The following ELOVL4 variants were observed in gnomAD, a reference collection of about 807,000 sequenced individuals.
ELOVL4 encodes ELOVL fatty acid elongase 4, also known as very long chain fatty acid elongase 4.
ELOVL4 carries 18 observed loss-of-function variants against 42.1 expected under a neutral mutation model. The ratio of observed to expected loss-of-function variants is 0.43; its 90% CI spans 0.30 to 0.63. The LOEUF (loss-of-function observed/expected upper bound fraction) is 0.63. ELOVL4 is among the 30% of genes least tolerant of loss of function. The probability of loss-of-function intolerance (pLI) is 0.15; values close to 1 mark genes in which losing one functional copy is unlikely to be tolerated. For synonymous variants in ELOVL4, 117 were observed against 127.0 expected, an observed-to-expected ratio of 0.92 and a Z score of 0.53; for missense variants, 299 against 376.2, an observed-to-expected ratio of 0.79 and a Z score of 1.70.
intron 1 of ELOVL4, among the ~76,000 whole-genome samples, chr6:79,930,347 T>C (rs923101683): frequency 6.6e-6 from 1 of 152,142 alleles, no homozygotes; most frequent in African/African-American, 2.4e-5. Flanking sequence ...CTTTCAAAAA[T>C]TCAGCCTCCC....
Position 79,947,080 on chromosome 6 carries a change from G to A in ELOVL4, c.100+100C>T. On this transcript the variant is annotated intron_variant, in intron 1 of 5. Coordinates refer to ENST00000369816, the MANE Select transcript of ELOVL4 (RefSeq NM_022726.4). The stretch of plus-strand genomic sequence containing the variant: ...GATCCGCAGCATCCGAAAGCCGCAG[G>A]GCGCGGGGGCCTGTGGGGCCGGGCC... The A allele has an allele frequency of 4.1e-6, 4 of 983,574 alleles. No homozygotes were observed. In the South Asian group the frequency reaches 5.5e-5, roughly 13 times the overall value. The allele number at this position is 983,574 out of a possible 1,614,324, so 60.9% of individuals were successfully genotyped here. A position where few individuals can be genotyped will look rare whatever the true frequency, so the allele number is the denominator to read the frequency against.
intron 1 of ELOVL4, among the ~76,000 whole-genome samples, chr6:79,936,607 T>C (rs904596592): frequency 1.3e-5 from 2 of 152,220 alleles, no homozygotes; most frequent in Non-Finnish European, 2.9e-5. Flanking sequence ...AAATTTTCAA[T>C]GAAAACTGTA....
intron 1 of ELOVL4, among the ~76,000 whole-genome samples, chr6:79,940,886 C>A (rs1774634217): frequency 6.6e-6 from 1 of 152,152 alleles, no homozygotes; most frequent in Non-Finnish European, 1.5e-5. Context: ...GATAATTAAA[C>A]AGGTATAGTG....
intron 1 of ELOVL4, among the ~76,000 whole-genome samples, chr6:79,931,452 T>C (rs1367279412): frequency 1.3e-5 from 2 of 152,298 alleles, no homozygotes; most frequent in East Asian, 3.9e-4. Flanking sequence ...TACTTTAATC[T>C]TAAGGGAGAG....
At chr6:79,943,711 T>C (rs1774688040) in intron 1 of ELOVL4, among the ~76,000 whole-genome samples, 1 of 152,064 alleles carries the variant, frequency 6.6e-6, no homozygotes, top group Admixed American at 6.6e-5. Context: ...TCCTTTCCTT[T>C]CCAGAGCCTA....
At chr6:79,945,602 C>T (rs1216741366) in intron 1 of ELOVL4, among the ~76,000 whole-genome samples, 1 of 152,100 alleles carries the variant, frequency 6.6e-6, no homozygotes, top group Non-Finnish European at 1.5e-5. Context: ...AGTATCTCAA[C>T]AGTGTCTGAC....
intron 1 of ELOVL4, among the ~76,000 whole-genome samples, chr6:79,929,231 ATTTCT>A (rs1159845774): frequency 5.3e-5 from 8 of 151,624 alleles, no homozygotes; most frequent in Admixed American, 4.6e-4. Flanking sequence ...TATGCAGCCC[ATTTCT>A]TTTCTTTTCT....
chr6:79,916,822 GGGAA>G lies in ELOVL4; in HGVS notation c.727_730del (p.Phe243ProfsTer8). 6.2e-7 allele frequency: 1 copy of G among 1,614,158 alleles called. No individual in the cohort carries two copies. The highest frequency in any genetic ancestry group is 8.5e-7 in the Non-Finnish European group (1 of 1,180,032). On this transcript the variant is annotated frameshift_variant, in exon 6 of 6. Transcript: ENST00000369816. LOFTEE classifies it high-confidence loss of function. ...AATTAGAGCCCAGTGCATCCATTTG[GGGAA>G]GGGGCAGTCAGTGTAAAGAGACAGT...
intron 1 of ELOVL4, among the ~76,000 whole-genome samples, chr6:79,934,348 A>G (rs1236944327): frequency 6.6e-6 from 1 of 152,192 alleles, no homozygotes; most frequent in Non-Finnish European, 1.5e-5. Flanking sequence ...AAGGGTGCAG[A>G]ACAGAATCTA....
At chr6:79,939,079 A>G (rs1774596631) in intron 1 of ELOVL4, among the ~76,000 whole-genome samples, 1 of 152,220 alleles carries the variant, frequency 6.6e-6, no homozygotes, top group African/African-American at 2.4e-5. Flanking sequence ...GCAAAATACA[A>G]AGCTAAAGTT....
chr6:79,934,121 C>G (rs376303251), intron 1 of ELOVL4, among the ~76,000 whole-genome samples: 1 of 152,318 alleles, frequency 6.6e-6, no homozygotes, highest in Non-Finnish European at 1.5e-5. Flanking sequence ...TGCAGAGGAA[C>G]TGCCAGGGCT....
At chr6:79,935,892 G>A (rs966340364) in intron 1 of ELOVL4, among the ~76,000 whole-genome samples, 1 of 152,062 alleles carries the variant, frequency 6.6e-6, no homozygotes, top group African/African-American at 2.4e-5. Context: ...CCATGCACCA[G>A]CAGAAAAGCA....
chr6:79,935,289 G>C (rs941291397), intron 1 of ELOVL4, among the ~76,000 whole-genome samples: 3 of 151,766 alleles, frequency 2.0e-5, no homozygotes, highest in Non-Finnish European at 4.4e-5. Flanking sequence ...TGCAAATCAG[G>C]ATCTCCACCA....
rs1774344248 is a variant in ELOVL4 at position 79,926,382 on chromosome 6, C to T, written c.101-1G>A. The T allele has an allele frequency of 6.2e-7, 1 of 1,613,202 alleles. No individual in the cohort carries two copies. Among genetic ancestry groups the T allele is most frequent in the Non-Finnish European group, 8.5e-7 (1 of 1,179,500 alleles). ...AGAGGCCAATTTTCCACACGCTTAT[C>T]TATAGAGAGAACAAAATACCATAAA... On this transcript the variant is annotated splice_acceptor_variant, in intron 1 of 5. Transcript: ENST00000369816. LOFTEE classifies it high-confidence loss of function.
intron 1 of ELOVL4, among the ~76,000 whole-genome samples, chr6:79,936,807 C>CA (rs1774551426): frequency 6.6e-6 from 1 of 152,046 alleles, no homozygotes; most frequent in South Asian, 2.1e-4. Flanking sequence ...TACAACTGGA[C>CA]AAATGAGGCA....
In ELOVL4 at chr6:79,921,730, TA is replaced by T. The variant is rs769438485; in HGVS notation, c.435del (p.Phe145LeufsTer3). 1 of 1,613,892 alleles carries T rather than the reference TA, an allele frequency of 6.2e-7. No homozygotes were observed. Among genetic ancestry groups the T allele is most frequent in the South Asian group, 1.1e-5 (1 of 91,076 alleles). ...KGVEYLDTVF[F>X]ILRKKNNQVS... is the part of the protein sequence containing the mutation. ...ACTTGGTTGTTTTTCTTTCTCAGAA[TA>T]AAAAACACTGTGTCCAAATACTCAA... On this transcript the variant is annotated frameshift_variant, in exon 4 of 6. Coordinates refer to ENST00000369816, the MANE Select transcript of ELOVL4 (RefSeq NM_022726.4). LOFTEE classifies it high-confidence loss of function.
chr6:79,924,897 G>A, intron 3 of ELOVL4, 55 bp downstream of exon 3: 1 of 1,030,370 alleles, frequency 9.7e-7, no homozygotes, highest in South Asian at 1.3e-5. Context: ...CACAGACTGG[G>A]GCCTATAAAA....
At chr6:79,945,532 T>C (rs920692725) in intron 1 of ELOVL4, among the ~76,000 whole-genome samples, 2 of 152,132 alleles carry the variant, frequency 1.3e-5, no homozygotes, top group African/African-American at 4.8e-5. Flanking sequence ...AGCTCCGGGA[T>C]AGGATAGGAA....
rs766560061 is a variant in ELOVL4 at position 79,947,168 on chromosome 6, C to T, written c.100+12G>A. 2 of 1,609,094 alleles carry T rather than the reference C, an allele frequency of 1.2e-6. No individual in the cohort carries two copies. The highest frequency in any genetic ancestry group is 3.3e-5 in the Admixed American group (2 of 59,740). ...GGGGACCGAGCGAGGATGGGGAAGTCAGCGGCTTTACCTGCGATGGACCAG... is the reference window on the plus strand; with the variant it reads ...GGGGACCGAGCGAGGATGGGGAAGTTAGCGGCTTTACCTGCGATGGACCAG... On this transcript the variant is annotated intron_variant, in intron 1 of 5. Coordinates refer to ENST00000369816, the MANE Select transcript of ELOVL4 (RefSeq NM_022726.4).
Sources: allele counts gnomAD v4.1 joint callset (sites outside exome capture counted in the v4.1 genomes callset), GRCh38; gene constraint gnomAD v4.1.1; transcripts MANE v1.5; gene names NCBI Gene and HGNC (gene_info 2026-07-23, HGNC 2026-07-21).